The following TCEA3 variants were observed in gnomAD, a reference collection of about 807,000 sequenced individuals.
TCEA3 encodes the protein transcription elongation factor A protein 3.
TCEA3 carries 36 observed loss-of-function variants against 44.0 expected under a neutral mutation model. That is an observed-to-expected ratio of 0.82 (90% confidence interval 0.63 to 1.08). The LOEUF (loss-of-function observed/expected upper bound fraction) is 1.08. TCEA3 is among the 50% of genes least tolerant of loss of function. TCEA3 has a pLI of 0.00. For synonymous variants in TCEA3, 162 were observed against 159.7 expected (o/e 1.01, Z -0.11); for missense variants, 392 against 441.2 (o/e 0.89, Z 1.00).
chr1:23,408,880 G>A (rs1007906280), intron 4 of TCEA3, among the ~76,000 whole-genome samples, 154 bp from the exon 5 acceptor site: 14 of 152,212 alleles, frequency 9.2e-5, no homozygotes, highest in Admixed American at 8.5e-4. Context: ...AGCTCCAGGC[G>A]GTGCCGGCTG....
At chr1:23,397,072 C>T (rs1480380635) in intron 7 of TCEA3, among the ~76,000 whole-genome samples, 1 of 150,912 alleles carries the variant, frequency 6.6e-6, no homozygotes, top group Non-Finnish European at 1.5e-5. Flanking sequence ...AAAGGCTGAG[C>T]ATGGGAAATG....
intron 2 of TCEA3, 99 bp from the exon 3 acceptor site, chr1:23,418,108 T>A: frequency 5.0e-6 from 6 of 1,189,344 alleles, no homozygotes; most frequent in Non-Finnish European, 7.3e-6. Flanking sequence ...CCACCTCCCC[T>A]TCCAACCTGG....
intron 9 of TCEA3, among the ~76,000 whole-genome samples, chr1:23,386,291 A>G (rs1638832765): frequency 6.7e-6 from 1 of 149,186 alleles, no homozygotes; most frequent in Non-Finnish European, 1.5e-5. Flanking sequence ...TTGCAGCCTC[A>G]ATTCACTGTA....
chr1:23,408,634 T>C, intron 5 of TCEA3, 30 bp downstream of exon 5: 1 of 1,602,350 alleles, frequency 6.2e-7, no homozygotes, highest in Non-Finnish European at 8.5e-7. Flanking sequence ...AATAGGACAC[T>C]GGGATGGAGA....
chr1:23,406,643 G>T (rs77282836), intron 5 of TCEA3, among the ~76,000 whole-genome samples: 6,040 of 151,806 alleles, frequency 0.04, 324 homozygotes, highest in South Asian at 0.24. Context: ...TTGTTTTGTT[G>T]TGTTGTGTTT....
At chr1:23,395,958 T>C (rs1198627103) in intron 7 of TCEA3, among the ~76,000 whole-genome samples, 1 of 152,162 alleles carries the variant, frequency 6.6e-6, no homozygotes, top group Non-Finnish European at 1.5e-5. Context: ...GGATGACTGT[T>C]CAGGAGAAAA....
chr1:23,384,157 A>T, intron 10 of TCEA3, 189 bp downstream of exon 10: 1 of 1,403,446 alleles, frequency 7.1e-7, no homozygotes, highest in South Asian at 1.7e-5. Context: ...AAATGAAAAC[A>T]TGCATGTGTG....
chr1:23,399,136 GTATA>G (rs1191975371), intron 5 of TCEA3, among the ~76,000 whole-genome samples: 13 of 58,660 alleles, frequency 2.2e-4, no homozygotes, highest in African/African-American at 4.9e-4. Context: ...TTATATATAT[GTATA>G]TATGTATATA....
intron 7 of TCEA3, 47 bp from the exon 8 acceptor site, chr1:23,394,080 G>T (rs1639146712): frequency 1.2e-6 from 2 of 1,610,980 alleles, no homozygotes; most frequent in Admixed American, 3.3e-5. Flanking sequence ...GGGCACAGAA[G>T]GGTGCAGGCC....
At chr1:23,391,412 C>T (rs1010065701) in intron 8 of TCEA3, among the ~76,000 whole-genome samples, 72 of 150,536 alleles carry the variant, frequency 4.8e-4, no homozygotes, top group African/African-American at 1.6e-3. Context: ...GAAATCCTAA[C>T]CCCAAGGCAA....
chr1:23,384,264 T>G (rs1638755802), intron 10 of TCEA3, 82 bp downstream of exon 10: 7 of 1,609,654 alleles, frequency 4.3e-6, no homozygotes, highest in Non-Finnish European at 5.1e-6. Flanking sequence ...ACAAGGCCCC[T>G]TCTGGGTTGT....
chr1:23,414,150 G>A (rs1310466727), intron 4 of TCEA3, among the ~76,000 whole-genome samples: 4 of 151,934 alleles, frequency 2.6e-5, no homozygotes, highest in Non-Finnish European at 4.4e-5. Context: ...GCAGTGGCAC[G>A]CTCTCAGCTC....
intron 4 of TCEA3, among the ~76,000 whole-genome samples, chr1:23,412,875 T>C (rs932980961): frequency 6.6e-6 from 1 of 152,236 alleles, no homozygotes; most frequent in African/African-American, 2.4e-5. Context: ...GGTTACAGTG[T>C]TTGTATAATG....
chr1:23,423,857 A>C (rs1036074713), intron 1 of TCEA3: 1 of 454,114 alleles, frequency 2.2e-6, no homozygotes, highest in Non-Finnish European at 4.4e-6. Flanking sequence ...CCTGCTCCCA[A>C]CCTCCCGCCG....
At chr1:23,421,718 C>T (rs1311499868) in intron 1 of TCEA3, among the ~76,000 whole-genome samples, 1 of 152,182 alleles carries the variant, frequency 6.6e-6, no homozygotes, top group Non-Finnish European at 1.5e-5. Context: ...TGTAGTAAAA[C>T]AATCAGGAAG....
Position 23,420,841 on chromosome 1 carries a change from G to A in TCEA3, c.70-1702C>T, listed in dbSNP as rs561815224. Among the ~76,000 whole-genome samples the A allele has an allele frequency of 5.3e-5, 8 of 152,280 alleles. 1 individual carries two copies. In the South Asian group the frequency reaches 1.0e-3, roughly 20 times the overall value. On this transcript the variant is annotated intron_variant, in intron 1 of 10. Transcript: ENST00000450454. ...AGCTGCCAGGCCCTGGACACCCTCC[G>A]ACCCATTTCAGCCTTCTCCTTTCCC...
chr1:23,417,953 C>CGGTG lies in TCEA3; in HGVS notation c.188_189insCACC (p.Glu63AspfsTer43), dbSNP rs1639941492. On this transcript the variant is annotated frameshift_variant, in exon 3 of 11. Coordinates refer to ENST00000450454, the MANE Select transcript of TCEA3 (RefSeq NM_003196.3). LOFTEE classifies it high-confidence loss of function. ...TAAGGACTTTGGCCAAGGACACCAC[C>CGGTG]TCCTTGTCTGAGCAGTGCTTGCGGA... is the stretch of plus-strand genomic sequence containing the variant. 2 of 1,613,966 alleles carry CGGTG rather than the reference C, an allele frequency of 1.2e-6. No homozygotes were observed. The highest frequency in any genetic ancestry group is 2.7e-5 in the African/African-American group (2 of 74,952).
At position 23,419,849 on chromosome 1, in the gene TCEA3, C is replaced by A. The variant is rs144967056; in HGVS notation, c.70-710G>T. 8.1e-4 allele frequency among the ~76,000 whole-genome samples: 124 copies of A among 152,232 alleles called. 1 individual carries two copies. Among genetic ancestry groups the A allele is most frequent in the African/African-American group, 2.8e-3 (117 of 41,530 alleles). On this transcript the variant is annotated intron_variant, in intron 1 of 10. Coordinates refer to ENST00000450454, the MANE Select transcript of TCEA3 (RefSeq NM_003196.3). ...AGACTCCAACTCGAACAAAACAAAA[C>A]AAACAAAAAACAGCTTTTTTGAGGT...
At chr1:23,383,885 A>T in intron 10 of TCEA3, 1 of 994,990 alleles carries the variant, frequency 1.0e-6, no homozygotes, top group Non-Finnish European at 1.2e-6. Flanking sequence ...CTTAGGAGGG[A>T]AGGATGGCCT....
Sources: allele counts gnomAD v4.1 joint callset (sites outside exome capture counted in the v4.1 genomes callset), GRCh38; gene constraint gnomAD v4.1.1; transcripts MANE v1.5; gene names NCBI Gene and HGNC (gene_info 2026-07-23, HGNC 2026-07-21).